SORCS1: variants seen among roughly 807,000 people sequenced by gnomAD.
SORCS1 encodes the protein VPS10 domain-containing receptor SorCS1.
In SORCS1, 60 loss-of-function variants were observed where a neutral mutation model predicts 146.1. That is an observed-to-expected ratio of 0.41 (90% confidence interval 0.33 to 0.51). The LOEUF (loss-of-function observed/expected upper bound fraction) is 0.51. Ranked by LOEUF, SORCS1 falls within the 20% of genes least tolerant of loss-of-function variation. The probability of loss-of-function intolerance (pLI) is 0.21; values close to 1 mark genes in which losing one functional copy is unlikely to be tolerated. For synonymous variants in SORCS1, 637 were observed against 584.0 expected (o/e 1.09, Z -1.31); for missense variants, 1,352 against 1,487.6 (o/e 0.91, Z 1.50).
At chr10:107,174,079 T>C in the SORCS1 span, among the ~76,000 whole-genome samples, 1 of 152,198 alleles carries the variant, frequency 6.6e-6, no homozygotes, top group African/African-American at 2.4e-5. Context: ...CAGGGATAAA[T>C]CAGTATTTTA....
rs573465202 is a variant in SORCS1 at position 107,087,871 on chromosome 10, A to G, written c.558+76098T>C. 2.8e-4 allele frequency among the ~76,000 whole-genome samples: 42 copies of G among 152,304 alleles called. No homozygotes were observed. In the South Asian group the frequency reaches 6.0e-3, roughly 22 times the overall value. On this transcript the variant is annotated intron_variant, in intron 1 of 25. Coordinates refer to ENST00000263054, the MANE Select transcript of SORCS1 (RefSeq NM_052918.5). ...CCCTTTTGGTTGCTAGAGTTTCCCA[A>G]TTGCTGTGGGTTGGGTAATTTGCCT...
chr10:107,121,070 G>A (rs1397229334), intron 1 of SORCS1, among the ~76,000 whole-genome samples: 2 of 152,100 alleles, frequency 1.3e-5, no homozygotes, highest in Non-Finnish European at 2.9e-5. Context: ...AGGTGTCTTT[G>A]GAGCCGAAGT....
At chr10:106,727,530 A>G (rs552560939) in intron 6 of SORCS1, among the ~76,000 whole-genome samples, 187 of 152,304 alleles carry the variant, frequency 1.2e-3, no homozygotes, top group African/African-American at 4.3e-3. Flanking sequence ...TGGAGACACA[A>G]TACTGAATAT....
At chr10:106,834,361 C>A (rs2137057322) in intron 2 of SORCS1, among the ~76,000 whole-genome samples, 1 of 152,318 alleles carries the variant, frequency 6.6e-6, no homozygotes, top group Middle Eastern at 3.4e-3. Context: ...GATTAGGCAA[C>A]ATTTAATGTT....
intron 5 of SORCS1, among the ~76,000 whole-genome samples, chr10:106,744,552 A>G (rs1018303092): frequency 6.6e-6 from 1 of 152,266 alleles, no homozygotes; most frequent in Admixed American, 6.5e-5. Context: ...GTTTAAGTCC[A>G]TAAGGTATAA....
intron 6 of SORCS1, among the ~76,000 whole-genome samples, chr10:106,710,432 G>GAA (rs33978828): frequency 0.8 from 101,818 of 126,528 alleles, 42,508 homozygotes; most frequent in Non-Finnish European, 0.93. Context: ...TGGGTGACAG[G>GAA]AAAAAAAAAA....
chr10:106,671,803 C>T (rs770304628), intron 15 of SORCS1, among the ~76,000 whole-genome samples: 6 of 152,114 alleles, frequency 3.9e-5, no homozygotes, highest in African/African-American at 9.7e-5. Flanking sequence ...AATTTTGCCT[C>T]GATTTATTAT....
At chr10:106,591,288 C>T (rs1845590091) in intron 24 of SORCS1, among the ~76,000 whole-genome samples, 1 of 152,152 alleles carries the variant, frequency 6.6e-6, no homozygotes, top group East Asian at 1.9e-4. Context: ...GCCCAGTTTT[C>T]TTTCAACTGC....
chr10:107,159,558 G>T (rs1046178291), intron 1 of SORCS1, among the ~76,000 whole-genome samples: 38 of 151,912 alleles, frequency 2.5e-4, no homozygotes, highest in African/African-American at 8.7e-4. Context: ...CCACGATGTC[G>T]CCTCCTGAGG....
At chr10:106,701,462 T>C (rs771752804) in intron 8 of SORCS1, among the ~76,000 whole-genome samples, 1 of 152,212 alleles carries the variant, frequency 6.6e-6, no homozygotes, top group African/African-American at 2.4e-5. Context: ...TGCGGAGTTA[T>C]TAGGGAGAGA....
At chr10:106,963,720 A>T (rs1184535124) in intron 1 of SORCS1, among the ~76,000 whole-genome samples, 1 of 152,204 alleles carries the variant, frequency 6.6e-6, no homozygotes. Context: ...TTTTCAGAAA[A>T]CAAGAGCTTT....
chr10:107,067,638 T>A (rs1962004270), intron 1 of SORCS1, among the ~76,000 whole-genome samples: 1 of 152,230 alleles, frequency 6.6e-6, no homozygotes, highest in Admixed American at 6.5e-5. Context: ...TATAAAATGA[T>A]TTAATTTATC....
chr10:106,959,666 A>G (rs2139040704), intron 1 of SORCS1, among the ~76,000 whole-genome samples: 1 of 152,274 alleles, frequency 6.6e-6, no homozygotes, highest in African/African-American at 2.4e-5. Flanking sequence ...GGCAAAATGA[A>G]GCTGTTTTGT....
At chr10:107,100,601 G>A (rs1457054515) in intron 1 of SORCS1, among the ~76,000 whole-genome samples, 1 of 152,026 alleles carries the variant, frequency 6.6e-6, no homozygotes, top group African/African-American at 2.4e-5. Flanking sequence ...TCAGAGAAAA[G>A]AGCAGGTATT....
intron 1 of SORCS1, among the ~76,000 whole-genome samples, chr10:107,082,436 C>A (rs552348540): frequency 6.6e-6 from 1 of 152,090 alleles, no homozygotes; most frequent in East Asian, 1.9e-4. Context: ...ATTTTGTTTA[C>A]TACTCCGAAG....
chr10:106,638,978 T>C (rs1194083316), intron 18 of SORCS1, among the ~76,000 whole-genome samples: 1 of 152,216 alleles, frequency 6.6e-6, no homozygotes, highest in Middle Eastern at 3.2e-3. Flanking sequence ...TTATTGTGCA[T>C]CCACATATAC....
At chr10:107,111,440 C>T (rs1057417578) in intron 1 of SORCS1, among the ~76,000 whole-genome samples, 3 of 152,032 alleles carry the variant, frequency 2.0e-5, no homozygotes, top group Non-Finnish European at 2.9e-5. Context: ...ATTCAACAGA[C>T]AACTTTAACA....
At chr10:107,167,890 C>T (rs1194629959), upstream of SORCS1, among the ~76,000 whole-genome samples, 1 of 152,018 alleles carries the variant, frequency 6.6e-6, no homozygotes, top group African/African-American at 2.4e-5. Context: ...AACATTTAGT[C>T]ATTGTATACT....
intron 2 of SORCS1, among the ~76,000 whole-genome samples, chr10:106,842,046 TGAATCA>T (rs1215114976): frequency 6.6e-6 from 1 of 152,204 alleles, no homozygotes; most frequent in Non-Finnish European, 1.5e-5. Context: ...TGACCAGCAG[TGAATCA>T]GAGTTCCTGT....
Sources: gnomAD v4.1 joint callset for allele counts (sites outside exome capture counted in the v4.1 genomes callset) on GRCh38, gnomAD v4.1.1 for gene constraint, MANE v1.5 for transcripts, NCBI Gene and HGNC (gene_info 2026-07-23, HGNC 2026-07-21) for gene names.